The following MEIG1 variants were observed in gnomAD, a reference collection of about 807,000 sequenced individuals.
MEIG1 encodes meiosis expressed gene 1 protein homolog.
Under a neutral mutation model 11.3 loss-of-function variants are expected in MEIG1, and 12 were observed. That is an observed-to-expected ratio of 1.07 (90% CI 0.68 to 1.73). The LOEUF is 1.73. MEIG1 is among the 40% of genes most tolerant of loss of function. The pLI is 0.00. For missense variants in MEIG1, 119 were observed against 104.9 expected (o/e 1.13, Z -0.59); for synonymous variants, 41 against 33.2 (o/e 1.24, Z -0.81).
chr10:14,982,832 A>T (rs999178122), intron 1 of MEIG1, among the ~76,000 whole-genome samples: 1 of 152,196 alleles, frequency 6.6e-6, no homozygotes, highest in Non-Finnish European at 1.5e-5. Context: ...TTAAAGAGTT[A>T]TACTCACGAT....
intron 1 of MEIG1, among the ~76,000 whole-genome samples, chr10:14,984,007 G>C (rs1037271061): frequency 6.6e-6 from 1 of 152,084 alleles, no homozygotes; most frequent in African/African-American, 2.4e-5. Flanking sequence ...ACACTCCCGA[G>C]ATATTGTTCT....
In MEIG1 at chr10:14,966,516, A is replaced by G. The variant is rs760186715; in HGVS notation, c.48A>G (p.Lys16=). ...CAAAATCAGTAAGTCATGCCAAAAA[A>G]TGGTCAGAAGAGATAGAAAATCTGT... is the stretch of plus-strand genomic sequence containing the variant. ...VKPKSVSHAK[K]WSEEIENLYR... is the part of the protein sequence containing the mutation. The change falls in exon 2 of 3, where the codon AAA becomes AAG. Residue 16 remains lysine (K), a synonymous_variant. Coordinates refer to ENST00000407572, the MANE Select transcript of MEIG1 (RefSeq NM_001080836.3). 1.9e-6 allele frequency: 3 copies of G among 1,612,792 alleles called. No homozygotes were observed. The highest frequency in any genetic ancestry group is 2.2e-5 in the East Asian group (1 of 44,800).
At chr10:14,973,157 C>T (rs1843171819), downstream of MEIG1, among the ~76,000 whole-genome samples, 1 of 152,156 alleles carries the variant, frequency 6.6e-6, no homozygotes, top group African/African-American at 2.4e-5. Flanking sequence ...TGAGCCACCA[C>T]ACCTGGCCTC....
chr10:14,954,268 G>A, the MEIG1 span: 2 of 581,418 alleles, frequency 3.4e-6, no homozygotes, highest in African/African-American at 1.9e-5. Flanking sequence ...CCCAGTGCAA[G>A]GCTCATTCCC....
At chr10:14,981,596 C>A (rs1843265955) in intron 1 of MEIG1, among the ~76,000 whole-genome samples, 1 of 152,106 alleles carries the variant, frequency 6.6e-6, no homozygotes, top group Non-Finnish European at 1.5e-5. Context: ...ATGTCTCTAC[C>A]CCCGACAGTC....
chr10:14,979,698 T>C (rs1843245581), intron 1 of MEIG1, among the ~76,000 whole-genome samples: 1 of 152,048 alleles, frequency 6.6e-6, no homozygotes, highest in Non-Finnish European at 1.5e-5. Context: ...AGAGATGTTA[T>C]CTTAATGTCA....
upstream of MEIG1, chr10:14,954,473 T>C (rs1842882387): frequency 7.3e-6 from 2 of 275,062 alleles, no homozygotes; most frequent in Admixed American, 9.2e-5. Context: ...CCGAGCTCAG[T>C]TCCCCGCCCT....
intron 1 of MEIG1, 56 bp downstream of exon 1, chr10:14,959,613 G>T (rs1468710478): frequency 6.6e-6 from 1 of 152,476 alleles, no homozygotes; most frequent in African/African-American, 2.4e-5. Context: ...CTGCGCCCCG[G>T]CCGTAGCCCC....
chr10:14,960,587 T>C (rs992027001), intron 1 of MEIG1, among the ~76,000 whole-genome samples: 14 of 151,932 alleles, frequency 9.2e-5, no homozygotes, highest in African/African-American at 1.4e-4. Context: ...CCCGGCTAAT[T>C]TTTTGTATTT....
At chr10:14,964,785 ATT>A (rs55924755) in intron 1 of MEIG1, among the ~76,000 whole-genome samples, 1 of 144,336 alleles carries the variant, frequency 6.9e-6, no homozygotes. Context: ...CGCCCAGTTC[ATT>A]TTTTTTTTTT....
intron 1 of MEIG1, among the ~76,000 whole-genome samples, chr10:14,982,201 C>T (rs1843272709): frequency 6.6e-6 from 1 of 152,152 alleles, no homozygotes; most frequent in Admixed American, 6.6e-5. Context: ...CCTCAGAGAC[C>T]TTGTTAACAT....
At chr10:14,957,727 C>T (rs182607277), upstream of MEIG1, among the ~76,000 whole-genome samples, 83 of 152,230 alleles carry the variant, frequency 5.5e-4, no homozygotes, top group African/African-American at 2.0e-3. Context: ...TCCACCTCCA[C>T]CTCCACCTCC....
chr10:14,987,318 C>T (rs528256296), intron 2 of MEIG1: 9 of 806,112 alleles, frequency 1.1e-5, no homozygotes, highest in Non-Finnish European at 2.0e-5. Flanking sequence ...TTCCTCAGAA[C>T]CATGACCAGA....
intron 1 of MEIG1, among the ~76,000 whole-genome samples, chr10:14,979,122 T>C (rs12262822): frequency 0.053 from 8,081 of 152,024 alleles, 717 homozygotes; most frequent in African/African-American, 0.18. Context: ...CTATGTCACA[T>C]GGGGTGTACT....
rs947339228 is a variant in MEIG1 at position 14,961,037 on chromosome 10, TAATA to T, written c.-30+1495_-30+1498del. Reference sequence around the variant, plus strand: ...AGAGTGAAACTCCATCTCAAAAAAATAATAAATAAATAAATAAAATAACATGCTC... The same window carrying T: ...AGAGTGAAACTCCATCTCAAAAAAATAATAAATAAATAAAATAACATGCTC... On this transcript the variant is annotated intron_variant, in intron 1 of 2. Transcript: ENST00000407572. Among the ~76,000 whole-genome samples the T allele has an allele frequency of 5.3e-5, 8 of 152,006 alleles. No homozygotes were observed. In the East Asian group the frequency reaches 5.9e-4, roughly 11 times the overall value.
At chr10:14,961,503 C>G (rs911759357) in intron 1 of MEIG1, among the ~76,000 whole-genome samples, 1 of 152,054 alleles carries the variant, frequency 6.6e-6, no homozygotes, top group African/African-American at 2.4e-5. Flanking sequence ...TGGTGTCTTG[C>G]TCTGTCACCC....
chr10:14,955,963 TCTG>T (rs1288512688), upstream of MEIG1, among the ~76,000 whole-genome samples: 1 of 152,182 alleles, frequency 6.6e-6, no homozygotes, highest in African/African-American at 2.4e-5. Context: ...AACAACAAAT[TCTG>T]CTGTGAGTCT....
At chr10:14,986,715 T>G (rs1488829951) in intron 1 of MEIG1, 1 of 300,788 alleles carries the variant, frequency 3.3e-6, no homozygotes, top group Non-Finnish European at 6.4e-6. Context: ...GTTCAAGCGC[T>G]TCTTGGGCCT....
At chr10:14,960,831 A>C (rs890857150) in intron 1 of MEIG1, among the ~76,000 whole-genome samples, 3 of 152,002 alleles carry the variant, frequency 2.0e-5, no homozygotes, top group Admixed American at 1.3e-4. Flanking sequence ...ATTCGAGACC[A>C]GCCTGACCAA....
Sources: gnomAD v4.1 joint callset for allele counts (sites outside exome capture counted in the v4.1 genomes callset) on GRCh38, gnomAD v4.1.1 for gene constraint, MANE v1.5 for transcripts, NCBI Gene and HGNC (gene_info 2026-07-23, HGNC 2026-07-21) for gene names.